Variants in CDH16 observed in about 807,000 individuals in gnomAD.
The protein encoded by CDH16 is cadherin-16.
In CDH16, 79 loss-of-function variants were observed where a neutral mutation model predicts 87.6. That is an observed-to-expected ratio of 0.90 (90% CI 0.75 to 1.09). The LOEUF is 1.09. Among genes scored for constraint, CDH16 ranks in the 50% least tolerant of loss-of-function variants. The pLI is 0.00. For missense variants in CDH16, 1,124 were observed against 1,071.7 expected (o/e 1.05, Z -0.68); for synonymous variants, 457 against 439.5 (o/e 1.04, Z -0.50).
In CDH16 at chr16:66,913,229, G is replaced by A. The variant is rs1026725028; in HGVS notation, c.956C>T (p.Pro319Leu). 6.3e-7 allele frequency: 1 copy of A among 1,588,796 alleles called. No homozygotes were observed. Among genetic ancestry groups the A allele is most frequent in the South Asian group, 1.2e-5 (1 of 86,412 alleles). ...CATCACCAGCACGTGCAGCTCCAGA[G>A]GGGCCGCATAGTCCTCGCCATGGGA... ...QNSHGEDYAAPLELHVLVMDE... is the reference protein window; with the variant it reads ...QNSHGEDYAALLELHVLVMDE... Residue 319 changes from proline (P) to leucine (L), a missense_variant, in exon 9 of 18, where the codon CCT becomes CTT. Coordinates refer to ENST00000299752, the MANE Select transcript of CDH16 (RefSeq NM_004062.4).
At chr16:66,917,286 C>G (rs770044665) in intron 3 of CDH16, among the ~76,000 whole-genome samples, 1 of 151,846 alleles carries the variant, frequency 6.6e-6, no homozygotes, top group Non-Finnish European at 1.5e-5. Flanking sequence ...GCGACAAGAG[C>G]GAAACTTCGT....
At chr16:66,918,551 T>C (rs1008171341) in intron 1 of CDH16, among the ~76,000 whole-genome samples, 1 of 152,216 alleles carries the variant, frequency 6.6e-6, no homozygotes, top group African/African-American at 2.4e-5. Context: ...TCAGGGCCTC[T>C]GGGACTGTCC....
Position 66,913,280 on chromosome 16 carries a change from T to A in CDH16, c.905A>T (p.Tyr302Phe), listed in dbSNP as rs764853742. The A allele has an allele frequency of 2.3e-5, 35 of 1,553,034 alleles. No individual in the cohort carries two copies. Among genetic ancestry groups the A allele is most frequent in the Non-Finnish European group, 3.0e-5 (35 of 1,148,382 alleles). Reference sequence around the variant, plus strand: ...ATTCTGAGCCCGCACCTGGAGCAGGTACTGCGGTGGGCAGTAGGGGGCTTC... The same window carrying A: ...ATTCTGAGCCCGCACCTGGAGCAGGAACTGCGGTGGGCAGTAGGGGGCTTC... ...RELDREAQAEYLLQVRAQNSH... is the reference protein window; with the variant it reads ...RELDREAQAEFLLQVRAQNSH... Residue 302 changes from tyrosine (Y) to phenylalanine (F), a missense_variant and splice_region_variant, in exon 9 of 18, where the codon TAC (tyrosine) becomes TTC (phenylalanine). Coordinates refer to ENST00000299752, the MANE Select transcript of CDH16 (RefSeq NM_004062.4).
At chr16:66,908,661 C>T (rs1033821801) in intron 17 of CDH16, among the ~76,000 whole-genome samples, 172 bp from the exon 18 acceptor site, 2 of 152,116 alleles carry the variant, frequency 1.3e-5, no homozygotes, top group Middle Eastern at 3.2e-3. Flanking sequence ...AGCTTGACTC[C>T]TCGGCCGGCT....
rs144264730 is a variant in CDH16 at position 66,909,357 on chromosome 16, C to T, written c.2302G>A (p.Gly768Arg). 1.0e-4 allele frequency: 161 copies of T among 1,613,098 alleles called. No homozygotes were observed. The highest frequency in any genetic ancestry group is 1.3e-4 in the Non-Finnish European group (155 of 1,179,888). Reference sequence around the variant, plus strand: ...CGGCCCACCTTGCGCATGCACTGCCCCTCCACGTTGCAGCGACACACGATC... The same window carrying T: ...CGGCCCACCTTGCGCATGCACTGCCTCTCCACGTTGCAGCGACACACGATC... ...RVIVCRCNVEGQCMRKVGRMK... is the reference protein window; with the variant it reads ...RVIVCRCNVERQCMRKVGRMK... The change falls in exon 17 of 18, where the codon GGG (glycine) becomes AGG (arginine). Residue 768 changes from glycine to arginine, a missense_variant. Coordinates refer to ENST00000299752, the MANE Select transcript of CDH16 (RefSeq NM_004062.4). This position sits in a 1 kb window ranked among gnomAD's most constrained non-coding sequence, Gnocchi z 4.1.
chr16:66,910,361 G>A lies in CDH16; in HGVS notation c.2066C>T (p.Pro689Leu). ...ACTGGCCAGATCGGGGTCCTTGCTG[G>A]GTCCACTCACGATCAAGCCATGGTC... ...RQDHGLIVSG[P>L]SKDPDLASGH... Residue 689 changes from proline (P) to leucine (L), a missense_variant, in exon 15 of 18, where the codon CCC becomes CTC. Transcript: ENST00000299752. 6.2e-7 allele frequency: 1 copy of A among 1,613,830 alleles called. No homozygotes were observed. Among genetic ancestry groups the A allele is most frequent in the Non-Finnish European group, 8.5e-7 (1 of 1,179,862 alleles).
chr16:66,915,403 T>A lies in CDH16; in HGVS notation c.425-25A>T, dbSNP rs777997212. 3 of 1,610,850 alleles carry A rather than the reference T, an allele frequency of 1.9e-6. No homozygotes were observed. In the East Asian group the frequency reaches 6.7e-5, roughly 36 times the overall value. On this transcript the variant is annotated intron_variant, in intron 5 of 17. Coordinates refer to ENST00000299752, the MANE Select transcript of CDH16 (RefSeq NM_004062.4). ...CCTGGTTCACGGTGGGAGGGCAAAC[T>A]GTAAGGGATAGAGAGGGTGGGGAGA...
In CDH16 at chr16:66,911,252, G is replaced by A. The variant is rs200026605; in HGVS notation, c.1854C>T (p.His618=). The change falls in exon 14 of 18, where the codon CAC becomes CAT. Residue 618 remains histidine, a synonymous_variant. Transcript: ENST00000299752. ...GGGCGCCCTGCAGGGACTGGGCGGTGTGCACCTCCCCGGAGAATTTCTCAA... is the reference window on the plus strand; with the variant it reads ...GGGCGCCCTGCAGGGACTGGGCGGTATGCACCTCCCCGGAGAATTTCTCAA... ...LCIEKFSGEV[H]TAQSLQGAQP... 6 of 1,613,454 alleles carry A rather than the reference G, an allele frequency of 3.7e-6. No individual in the cohort carries two copies. In the East Asian group the frequency reaches 8.9e-5, roughly 24 times the overall value.
In CDH16 at chr16:66,909,216, C is replaced by G; in HGVS notation, c.2392+51G>C. The G allele has an allele frequency of 8.5e-7, 1 of 1,175,076 alleles. No homozygotes were observed. The highest frequency in any genetic ancestry group is 1.3e-6 in the Non-Finnish European group (1 of 780,130). The allele number at this position is 1,175,076 out of a possible 1,614,324, so 72.8% of individuals were successfully genotyped here. On this transcript the variant is annotated intron_variant, in intron 17 of 17. Coordinates refer to ENST00000299752, the MANE Select transcript of CDH16 (RefSeq NM_004062.4). The surrounding 1 kb of genome is among the most constrained non-coding windows in gnomAD (Gnocchi z 4.1). ...AAGGTGTTTATTTGGAGGCTGTGGT[C>G]CCAACCACCCATCGCCCTCGCCCAC...
chr16:66,912,839 G>C lies in CDH16; in HGVS notation c.1107C>G (p.Pro369=), dbSNP rs1212712806. The change falls in exon 10 of 18, where the codon CCC becomes CCG. Residue 369 remains proline (P), a synonymous_variant. Coordinates refer to ENST00000299752, the MANE Select transcript of CDH16 (RefSeq NM_004062.4). The part of the protein sequence containing the change: ...SAEDADAPGS[P]NSHVVYQLLS... ...GGAGCTGATACACAACGTGGGAATT[G>C]GGGGAGCCGGGGGCATCTGCATCCT... The C allele has an allele frequency of 4.3e-6, 7 of 1,613,360 alleles. No individual in the cohort carries two copies. Among genetic ancestry groups the C allele is most frequent in the Non-Finnish European group, 5.9e-6 (7 of 1,180,020 alleles).
In CDH16 at chr16:66,910,827, C is replaced by T. The variant is rs1489221911; in HGVS notation, c.1925-325G>A. ...ACACCTGGCTCCAGTGGCCCATTCA[C>T]TCCAGCACTCCTTCCCCAGGGGCAG... On this transcript the variant is annotated intron_variant, in intron 14 of 17. Coordinates refer to ENST00000299752, the MANE Select transcript of CDH16 (RefSeq NM_004062.4). 5 of 383,596 alleles carry T rather than the reference C, an allele frequency of 1.3e-5. No homozygotes were observed. The East Asian group carries it at 1.8e-4, about 14-fold the overall frequency. 23.8% of individuals were successfully genotyped at this position (383,596 alleles called of 1,614,324 possible).
chr16:66,915,212 G>A lies in CDH16; in HGVS notation c.583+8C>T, dbSNP rs201143983. The stretch of plus-strand genomic sequence containing the variant: ...CCTCCCTCCCCAGCACACCCCGCTC[G>A]GGCTTACCCTTGGGGCTGAGGGCCA... On this transcript the variant is annotated splice_region_variant and intron_variant, in intron 6 of 17. Transcript: ENST00000299752. 5.1e-5 allele frequency: 82 copies of A among 1,600,698 alleles called. 1 individual carries two copies. Among genetic ancestry groups the A allele is most frequent in the South Asian group, 3.4e-4 (31 of 90,084 alleles).
intron 1 of CDH16, among the ~76,000 whole-genome samples, chr16:66,918,416 G>A (rs1962784629): frequency 6.6e-6 from 1 of 152,260 alleles, no homozygotes; most frequent in Non-Finnish European, 1.5e-5. Flanking sequence ...AAAGTTTGAA[G>A]CTGGAAAGTT....
rs1179113899 is a variant in CDH16, at chr16:66,910,010, G to A, written c.2251C>T (p.Gln751Ter). The part of the protein sequence containing the change: ...IIPVVVSHNA[Q>*]MWQLLVRVIV... ...CCTCGAACCAGGAGCTGCCACATCT[G>A]GGCATTGTGGCTGACCACCACGGGG... Residue 751 changes from glutamine to a stop codon, truncating the protein, a stop_gained, in exon 16 of 18, where the codon CAG (glutamine) becomes TAG (stop). Coordinates refer to ENST00000299752, the MANE Select transcript of CDH16 (RefSeq NM_004062.4). LOFTEE classifies it high-confidence loss of function. 1.2e-6 allele frequency: 2 copies of A among 1,610,508 alleles called. No individual in the cohort carries two copies. The highest frequency in any genetic ancestry group is 1.7e-6 in the Non-Finnish European group (2 of 1,177,784).
At chr16:66,915,785 T>G (rs1962651799) in intron 5 of CDH16, among the ~76,000 whole-genome samples, 1 of 152,060 alleles carries the variant, frequency 6.6e-6, no homozygotes, top group African/African-American at 2.4e-5. Context: ...AATCCCAGCT[T>G]CTTGGGAGGC....
At chr16:66,917,325 A>G (rs1223555879) in intron 3 of CDH16, among the ~76,000 whole-genome samples, 2 of 152,170 alleles carry the variant, frequency 1.3e-5, no homozygotes, top group South Asian at 4.2e-4. Context: ...GTATAACGTT[A>G]CCTTCAGGCT....
chr16:66,910,562 G>A, intron 14 of CDH16, 60 bp from the exon 15 acceptor site: 1 of 1,437,274 alleles, frequency 7.0e-7, no homozygotes, highest in Non-Finnish European at 9.2e-7. Flanking sequence ...GAGCTCTGAG[G>A]TCCCTGGGCT....
At chr16:66,912,459 C>CCCACCAGCATCCTTCCCAA in intron 11 of CDH16, 29 bp from the exon 12 acceptor site, 1 of 1,614,100 alleles carries the variant, frequency 6.2e-7, no homozygotes, top group Non-Finnish European at 8.5e-7. Context: ...TGGTGAGCCC[C>CCCACCAGCATCCTTCCCAA]CCACCAGCAT....
chr16:66,909,945 T>C lies in CDH16; in HGVS notation c.2275+41A>G. On this transcript the variant is annotated intron_variant, in intron 16 of 17. Coordinates refer to ENST00000299752, the MANE Select transcript of CDH16 (RefSeq NM_004062.4). This position sits in a 1 kb window ranked among gnomAD's most constrained non-coding sequence, Gnocchi z 4.1. ...GCTCCCTCCCCTTGCATCCCAGCGGTTCCCTCAGGAACTGCAGGCTGCACC... is the reference window on the plus strand; with the variant it reads ...GCTCCCTCCCCTTGCATCCCAGCGGCTCCCTCAGGAACTGCAGGCTGCACC... The C allele has an allele frequency of 6.9e-7, 1 of 1,450,094 alleles. No homozygotes were observed. The highest frequency in any genetic ancestry group is 9.5e-7 in the Non-Finnish European group (1 of 1,053,122). The allele number at this position is 1,450,094 out of a possible 1,614,324, so 89.8% of individuals were successfully genotyped here. A position where few individuals can be genotyped will look rare whatever the true frequency, so the allele number is the denominator to read the frequency against.
Sources: gnomAD v4.1 joint callset for allele counts (sites outside exome capture counted in the v4.1 genomes callset) on GRCh38, gnomAD v4.1.1 for gene constraint, Gnocchi (gnomAD v3.1) non-coding constraint, MANE v1.5 for transcripts, NCBI Gene and HGNC (gene_info 2026-07-23, HGNC 2026-07-21) for gene names.